The following SMO variants were observed in gnomAD, a reference collection of about 807,000 sequenced individuals.
The protein encoded by SMO is smoothened, frizzled class receptor, also known as protein smoothened.
A neutral mutation model predicts 81.6 loss-of-function variants in SMO; 40 were observed. The observed-to-expected ratio is 0.49, with a 90% confidence interval of 0.38 to 0.64. The LOEUF (loss-of-function observed/expected upper bound fraction) is 0.64, where lower values mean the gene tolerates loss of function less well. Ranked by LOEUF, SMO falls within the 30% of genes least tolerant of loss-of-function variation. SMO has a pLI of 0.00. For synonymous variants in SMO, 434 were observed against 432.1 expected (o/e 1.00, Z -0.05); for missense variants, 916 against 1,061.1 (o/e 0.86, Z 1.90).
At chr7:129,194,822 A>G (rs879558360) in intron 1 of SMO, among the ~76,000 whole-genome samples, 1 of 151,980 alleles carries the variant, frequency 6.6e-6, no homozygotes, top group African/African-American at 2.4e-5. Context: ...TCACTCTGTC[A>G]CCTAGGCTAG....
chr7:129,208,925 C>T lies in SMO; in HGVS notation c.1357+74C>T, dbSNP rs1192210197. The T allele has an allele frequency of 1.0e-5, 10 of 1,004,488 alleles. No individual in the cohort carries two copies. The highest frequency in any genetic ancestry group is 2.6e-5 in the South Asian group (2 of 75,522). 62.2% of individuals were successfully genotyped at this position (1,004,488 alleles called of 1,614,324 possible). A position where few individuals can be genotyped will look rare whatever the true frequency, so the allele number is the denominator to read the frequency against. On this transcript the variant is annotated intron_variant, in intron 7 of 11. Coordinates refer to ENST00000249373, the MANE Select transcript of SMO (RefSeq NM_005631.5). This position sits in a 1 kb window ranked among gnomAD's most constrained non-coding sequence, Gnocchi z 5.2. ...CTGCACCCTCCTGGGGCTATGCGAC[C>T]GGCAGGATGCAGTAAGTCAGTGGGA...
intron 1 of SMO, among the ~76,000 whole-genome samples, chr7:129,193,449 A>G (rs1259662163): frequency 6.6e-6 from 1 of 152,036 alleles, no homozygotes; most frequent in Non-Finnish European, 1.5e-5. Flanking sequence ...CTTGGCTGGT[A>G]ATCAGAGTCA....
At chr7:129,195,908 T>C (rs1434351885) in intron 1 of SMO, among the ~76,000 whole-genome samples, 2 of 152,062 alleles carry the variant, frequency 1.3e-5, no homozygotes, top group South Asian at 2.1e-4. Context: ...GAGACCATCC[T>C]GGCTAACACG....
intron 8 of SMO, chr7:129,209,752 T>A: frequency 3.9e-6 from 1 of 254,352 alleles, no homozygotes; most frequent in Non-Finnish European, 7.7e-6. Flanking sequence ...GGCACAGGAC[T>A]AGTTACCTCT....
intron 2 of SMO, 52 bp downstream of exon 2, chr7:129,203,641 G>A (rs1342061094): frequency 6.9e-7 from 1 of 1,445,216 alleles, no homozygotes; most frequent in Non-Finnish European, 9.4e-7. Context: ...GCAGGACCGG[G>A]TATAGGGCAG....
chr7:129,206,390 G>T lies in SMO; in HGVS notation c.1140+21G>T, dbSNP rs376448169. The T allele has an allele frequency of 3.7e-6, 6 of 1,613,916 alleles. No individual in the cohort carries two copies. The highest frequency in any genetic ancestry group is 5.1e-6 in the Non-Finnish European group (6 of 1,179,954). Reference sequence around the variant, plus strand: ...CGCAGGTATAGTGACTGGTAGGAACGGGAGACCTGGATGGGGTGAGTTTGA... The same window carrying T: ...CGCAGGTATAGTGACTGGTAGGAACTGGAGACCTGGATGGGGTGAGTTTGA... On this transcript the variant is annotated intron_variant, in intron 5 of 11. Coordinates refer to ENST00000249373, the MANE Select transcript of SMO (RefSeq NM_005631.5). This position sits in a 1 kb window ranked among gnomAD's most constrained non-coding sequence, Gnocchi z 4.4.
At position 129,189,259 on chromosome 7, in the gene SMO, G is replaced by T; in HGVS notation, c.108G>T (p.Ala36=). 8.0e-7 allele frequency: 1 copy of T among 1,251,776 alleles called. No homozygotes were observed. 77.5% of individuals were successfully genotyped at this position (1,251,776 alleles called of 1,614,324 possible). ...PGRGAASSGN[A]TGPGPRSAGG... ...GGGGGGCGGCCTCGAGCGGGAACGC[G>T]ACCGGGCCTGGGCCTCGGAGCGCGG... Residue 36 remains alanine, a synonymous_variant, in exon 1 of 12, where the codon GCG becomes GCT. Coordinates refer to ENST00000249373, the MANE Select transcript of SMO (RefSeq NM_005631.5). The surrounding 1 kb of genome is among the most constrained non-coding windows in gnomAD (Gnocchi z 4.7).
chr7:129,198,200 C>T (rs1793615397), intron 1 of SMO, among the ~76,000 whole-genome samples: 1 of 152,294 alleles, frequency 6.6e-6, no homozygotes, highest in Non-Finnish European at 1.5e-5. Flanking sequence ...GATCCACCCA[C>T]CTTGGGCCTC....
chr7:129,205,593 C>A lies in SMO; in HGVS notation c.748-17C>A, dbSNP rs1210261466. On this transcript the variant is annotated splice_polypyrimidine_tract_variant and intron_variant, in intron 3 of 11. Transcript: ENST00000249373. ...AATAACCCTAACCTCACAGAATGGC[C>A]CACTTCTCTCTTCTAGGCCACATTC... is the stretch of plus-strand genomic sequence containing the variant. 3.5e-5 allele frequency: 56 copies of A among 1,608,302 alleles called. No homozygotes were observed. Among genetic ancestry groups the A allele is most frequent in the Non-Finnish European group, 4.8e-5 (56 of 1,175,202 alleles).
At chr7:129,191,581 G>A (rs1454198839) in intron 1 of SMO, among the ~76,000 whole-genome samples, 3 of 152,102 alleles carry the variant, frequency 2.0e-5, no homozygotes, top group African/African-American at 7.2e-5. Flanking sequence ...TAATGAGTAG[G>A]TAGAGTGAAC....
intron 1 of SMO, among the ~76,000 whole-genome samples, chr7:129,201,352 CT>C (rs2150645413): frequency 6.6e-6 from 1 of 152,226 alleles, no homozygotes; most frequent in East Asian, 1.9e-4. Context: ...CCGACACAAC[CT>C]TTTTATTAAC....
In SMO at chr7:129,188,937, C is replaced by G. The variant is rs1793437202; in HGVS notation, c.-215C>G. On this transcript the variant is annotated 5_prime_UTR_variant, in exon 1 of 12. Transcript: ENST00000249373. The surrounding 1 kb of genome is among the most constrained non-coding windows in gnomAD (Gnocchi z 4.9). ...AGTCGTGCATCCCGTTCCGGGCCTCCGCAGCCCAACATGGGCCCCGGGTTC... is the reference window on the plus strand; with the variant it reads ...AGTCGTGCATCCCGTTCCGGGCCTCGGCAGCCCAACATGGGCCCCGGGTTC... 1 of 353,450 alleles carries G rather than the reference C, an allele frequency of 2.8e-6. No homozygotes were observed. Among genetic ancestry groups the G allele is most frequent in the Non-Finnish European group, 5.0e-6 (1 of 198,428 alleles). The allele number at this position is 353,450 out of a possible 1,614,324, so 21.9% of individuals were successfully genotyped here. A position where few individuals can be genotyped will look rare whatever the true frequency, so the allele number is the denominator to read the frequency against.
Position 129,208,855 on chromosome 7 carries a change from A to G in SMO, c.1357+4A>G, listed in dbSNP as rs2150652401. ...AACGAGACCATGCTGCGCCTGGGTGAGTGGCCCCGGGGGACTTCGGTCTGA... is the reference window on the plus strand; with the variant it reads ...AACGAGACCATGCTGCGCCTGGGTGGGTGGCCCCGGGGGACTTCGGTCTGA... On this transcript the variant is annotated splice_donor_region_variant and intron_variant, in intron 7 of 11. Coordinates refer to ENST00000249373, the MANE Select transcript of SMO (RefSeq NM_005631.5). The surrounding 1 kb of genome is among the most constrained non-coding windows in gnomAD (Gnocchi z 5.2). 1 of 1,609,870 alleles carries G rather than the reference A, an allele frequency of 6.2e-7. No individual in the cohort carries two copies. Among genetic ancestry groups the G allele is most frequent in the Non-Finnish European group, 8.5e-7 (1 of 1,176,614 alleles).
intron 1 of SMO, among the ~76,000 whole-genome samples, chr7:129,200,369 C>T (rs1050199271): frequency 2.0e-5 from 3 of 151,876 alleles, no homozygotes; most frequent in Admixed American, 6.6e-5. Context: ...CGCAGTGAGC[C>T]GAGATCACAT....
In SMO at chr7:129,210,344, C is replaced by A; in HGVS notation, c.1467-19C>A. 6.2e-7 allele frequency: 1 copy of A among 1,605,066 alleles called. No individual in the cohort carries two copies. The highest frequency in any genetic ancestry group is 8.5e-7 in the Non-Finnish European group (1 of 1,171,876). ...GAAAAGAAAGGAAAGCCTCACCTGT[C>A]TACGTTCCCTCACTGTAGATGTCAG... On this transcript the variant is annotated intron_variant, in intron 8 of 11. Coordinates refer to ENST00000249373, the MANE Select transcript of SMO (RefSeq NM_005631.5). The surrounding 1 kb of genome is among the most constrained non-coding windows in gnomAD (Gnocchi z 4.7).
rs1345485350 is a variant in SMO, at chr7:129,189,790, G to T, written c.331+308G>T. On this transcript the variant is annotated intron_variant, in intron 1 of 11. Coordinates refer to ENST00000249373, the MANE Select transcript of SMO (RefSeq NM_005631.5). The surrounding 1 kb of genome is among the most constrained non-coding windows in gnomAD (Gnocchi z 4.7). ...TCTAAGCCACGGGAAAAGACATTTT[G>T]TAAGAAGAGGAGATGCTCCACCTAT... 6.6e-6 allele frequency among the ~76,000 whole-genome samples: 1 copy of T among 152,168 alleles called. No individual in the cohort carries two copies. The highest frequency in any genetic ancestry group is 2.4e-5 in the African/African-American group (1 of 41,434).
At position 129,206,511 on chromosome 7, in the gene SMO, C is replaced by T. The variant is rs1793768306; in HGVS notation, c.1188C>T (p.Asn396=). ...VSGICFVGYK[N]YRYRAGFVLA... ...GGATTTGTTTTGTGGGCTACAAGAA[C>T]TACCGATACCGTGCGGGCTTCGTGC... The change falls in exon 6 of 12, where the codon AAC becomes AAT. Residue 396 remains asparagine, a synonymous_variant. Transcript: ENST00000249373. The surrounding 1 kb of genome is among the most constrained non-coding windows in gnomAD (Gnocchi z 4.4). 1 of 1,614,186 alleles carries T rather than the reference C, an allele frequency of 6.2e-7. No homozygotes were observed. The highest frequency in any genetic ancestry group is 2.2e-5 in the East Asian group (1 of 44,876).
chr7:129,201,016 C>T (rs1227086539), intron 1 of SMO, among the ~76,000 whole-genome samples: 2 of 151,976 alleles, frequency 1.3e-5, no homozygotes, highest in Non-Finnish European at 2.9e-5. Context: ...GGATTACAGG[C>T]ATGAGCTACC....
At chr7:129,196,327 T>TTGTGTGTGTGTGTGTGTG (rs57674265) in intron 1 of SMO, among the ~76,000 whole-genome samples, 50 of 145,132 alleles carry the variant, frequency 3.4e-4, no homozygotes, top group African/African-American at 1.2e-3. Flanking sequence ...CTATTCTTGA[T>TTGTGTGTGTGTGTGTGTG]TGTGTGTGTG....
Sources: allele counts gnomAD v4.1 joint callset (sites outside exome capture counted in the v4.1 genomes callset), GRCh38; gene constraint gnomAD v4.1.1; non-coding constraint Gnocchi (gnomAD v3.1); transcripts MANE v1.5; gene names NCBI Gene and HGNC (gene_info 2026-07-23, HGNC 2026-07-21).